The following ABCA12 variants were observed in gnomAD, a reference collection of about 807,000 sequenced individuals.
The protein encoded by ABCA12 is glucosylceramide transporter ABCA12.
Under a neutral mutation model 293.5 loss-of-function variants are expected in ABCA12, and 156 were observed. The observed-to-expected ratio is 0.53, with a 90% CI of 0.47 to 0.61. ABCA12 has a LOEUF of 0.61. ABCA12 is among the 20% of genes least tolerant of loss of function. The pLI, the probability that ABCA12 is intolerant of heterozygous loss-of-function variation, is 0.00. For synonymous variants in ABCA12, 1,063 were observed against 1,108.0 expected (o/e 0.96, Z 0.81); for missense variants, 2,797 against 3,090.2 (o/e 0.91, Z 2.25).
At chr2:215,028,452 C>T (rs560659376) in intron 9 of ABCA12, among the ~76,000 whole-genome samples, 91 of 152,294 alleles carry the variant, frequency 6.0e-4, no homozygotes, top group African/African-American at 2.2e-3. Context: ...AGCGCTCATG[C>T]TTGTGCATAG....
chr2:215,042,718 C>A (rs1350268678), intron 7 of ABCA12, among the ~76,000 whole-genome samples: 4 of 152,126 alleles, frequency 2.6e-5, no homozygotes, highest in African/African-American at 9.7e-5. Flanking sequence ...CTGAAATCTT[C>A]TTTTACCGTT....
chr2:214,982,130 T>G, intron 30 of ABCA12, 57 bp downstream of exon 30: 2 of 1,590,882 alleles, frequency 1.3e-6, no homozygotes, highest in Non-Finnish European at 1.7e-6. Flanking sequence ...CTTTTGTATA[T>G]GCCAGAGGGC....
chr2:215,132,198 G>T (rs903624656), intron 1 of ABCA12, among the ~76,000 whole-genome samples: 1 of 152,028 alleles, frequency 6.6e-6, no homozygotes, highest in African/African-American at 2.4e-5. Flanking sequence ...CAGATGAGAA[G>T]AATGTATATT....
At chr2:215,077,207 T>A (rs1701851404) in intron 2 of ABCA12, among the ~76,000 whole-genome samples, 2 of 152,164 alleles carry the variant, frequency 1.3e-5, no homozygotes, top group South Asian at 4.1e-4. Flanking sequence ...TACATGAAGG[T>A]CTGTTATTTT....
At chr2:214,976,994 T>C (rs1217843130) in intron 33 of ABCA12, among the ~76,000 whole-genome samples, 2 of 152,216 alleles carry the variant, frequency 1.3e-5, no homozygotes, top group Non-Finnish European at 2.9e-5. Context: ...ACAAAAATCA[T>C]GATCTTCATT....
rs1051218679 is a variant in ABCA12, at chr2:215,054,458, G to C, written c.409+115C>G. 12 of 888,778 alleles carry C rather than the reference G, an allele frequency of 1.4e-5. No individual in the cohort carries two copies. The African/African-American group carries it at 2.0e-4, about 15-fold the overall frequency. 55.1% of individuals were successfully genotyped at this position (888,778 alleles called of 1,614,324 possible). ...ATGAGGAACGTTTAGATCTCACAGG[G>C]CTATTCTAAGCATTCCTTCTTTGTT... On this transcript the variant is annotated intron_variant, in intron 4 of 52. Transcript: ENST00000272895.
chr2:214,941,996 A>G (rs990019019), intron 50 of ABCA12, among the ~76,000 whole-genome samples: 5 of 152,158 alleles, frequency 3.3e-5, no homozygotes, highest in African/African-American at 7.2e-5. Context: ...TGATCCTGTC[A>G]TTATGACGCT....
intron 39 of ABCA12, among the ~76,000 whole-genome samples, chr2:214,961,055 TAGAG>T (rs1254303075): frequency 6.6e-6 from 1 of 152,110 alleles, no homozygotes; most frequent in Non-Finnish European, 1.5e-5. Flanking sequence ...ACTAGTGTGT[TAGAG>T]GGAGGCAGTG....
At chr2:215,028,354 G>C (rs1159571384) in intron 9 of ABCA12, among the ~76,000 whole-genome samples, 3 of 152,224 alleles carry the variant, frequency 2.0e-5, no homozygotes, top group Non-Finnish European at 2.9e-5. Context: ...TAACTTGGCA[G>C]TCAGAGCACA....
intron 1 of ABCA12, among the ~76,000 whole-genome samples, chr2:215,119,260 T>C (rs1267948807): frequency 6.6e-6 from 1 of 152,172 alleles, no homozygotes; most frequent in East Asian, 1.9e-4. Flanking sequence ...CATGAGCCAC[T>C]ACTCCCTGCT....
At chr2:215,020,292 G>GCACACACACACA (rs55917549) in intron 11 of ABCA12, among the ~76,000 whole-genome samples, 17,888 of 148,628 alleles carry the variant, frequency 0.12, 1,826 homozygotes, top group African/African-American at 0.26. Context: ...GGGAATGTAT[G>GCACACACACACA]CACACACACA....
intron 8 of ABCA12, among the ~76,000 whole-genome samples, chr2:215,036,141 A>T (rs1700986439): frequency 2.0e-5 from 3 of 152,214 alleles, no homozygotes; most frequent in Admixed American, 1.3e-4. Context: ...TGTAGATATA[A>T]AAAATGCTCT....
chr2:215,105,600 C>T (rs1030760723), intron 2 of ABCA12, among the ~76,000 whole-genome samples: 4 of 134,776 alleles, frequency 3.0e-5, no homozygotes, highest in East Asian at 3.9e-4. Flanking sequence ...CACACACACA[C>T]GCACACACAC....
Position 214,955,347 on chromosome 2 carries a change from G to C in ABCA12, c.6248C>G (p.Ser2083Cys). ...GAGCCCAGCCAGCAAGTACATCCAG[G>C]AAAATGTTGCATACCTGCAGGTTAA... is the stretch of plus-strand genomic sequence containing the variant. ...LLLLFGYATFSWMYLLAGLFH... is the reference protein window; with the variant it reads ...LLLLFGYATFCWMYLLAGLFH... The change falls in exon 43 of 53, where the codon TCC becomes TGC. Residue 2083 changes from serine to cysteine, a missense_variant. By Grantham distance (112) the Ser-to-Cys change is moderately radical. This residue lies in a region of ABCA12 where 2,130 missense variants were observed against 2,427.0 expected (regional missense o/e 0.88). Coordinates refer to ENST00000272895, the MANE Select transcript of ABCA12 (RefSeq NM_173076.3). 1 of 1,614,052 alleles carries C rather than the reference G, an allele frequency of 6.2e-7. No homozygotes were observed. Among genetic ancestry groups the C allele is most frequent in the East Asian group, 2.2e-5 (1 of 44,838 alleles).
chr2:215,051,316 T>C (rs531054674), intron 5 of ABCA12, among the ~76,000 whole-genome samples: 1 of 152,260 alleles, frequency 6.6e-6, no homozygotes, highest in Admixed American at 6.6e-5. Context: ...ACTTTCAATG[T>C]CTAGATTGGA....
intron 10 of ABCA12, among the ~76,000 whole-genome samples, chr2:215,026,023 T>C (rs1454687853): frequency 6.6e-6 from 1 of 152,238 alleles, no homozygotes; most frequent in African/African-American, 2.4e-5. Flanking sequence ...TCCATAGTTT[T>C]GGCTCTTTGT....
chr2:215,002,202 A>C (rs1334469883), intron 20 of ABCA12, among the ~76,000 whole-genome samples: 4 of 152,240 alleles, frequency 2.6e-5, no homozygotes, highest in African/African-American at 9.6e-5. Context: ...GTATTATTAC[A>C]TAAGCTGTGA....
rs141465376 is a variant in ABCA12 at position 215,098,718 on chromosome 2, G to A, written c.163+12879C>T. ...GCATAGAGAGTAGAAAGAGGATATG[G>A]GAAGTAAGAACAAATTAAATCTTGC... is the stretch of plus-strand genomic sequence containing the variant. On this transcript the variant is annotated intron_variant, in intron 2 of 52. Coordinates refer to ENST00000272895, the MANE Select transcript of ABCA12 (RefSeq NM_173076.3). Among the ~76,000 whole-genome samples, 7 of 152,314 alleles carry A rather than the reference G, an allele frequency of 4.6e-5. No individual in the cohort carries two copies. The East Asian group carries it at 1.4e-3, about 29-fold the overall frequency.
chr2:215,021,184 C>A (rs981986318), intron 11 of ABCA12, among the ~76,000 whole-genome samples: 4 of 152,218 alleles, frequency 2.6e-5, no homozygotes, highest in Admixed American at 2.6e-4. Flanking sequence ...ATTTTAAAAG[C>A]CTTTCTTGAA....
Sources: gnomAD v4.1 joint callset for allele counts (sites outside exome capture counted in the v4.1 genomes callset) on GRCh38, gnomAD v4.1.1 for gene constraint, gnomAD v4.1.1 regional missense constraint, MANE v1.5 for transcripts, NCBI Gene and HGNC (gene_info 2026-07-23, HGNC 2026-07-21) for gene names.